SUMF1: variants seen among roughly 807,000 people sequenced by gnomAD.
The protein encoded by SUMF1 is sulfatase modifying factor 1, also known as formylglycine-generating enzyme.
A neutral mutation model predicts 47.6 loss-of-function variants in SUMF1; 48 were observed. That is an observed-to-expected ratio of 1.01 (90% CI 0.80 to 1.28). The LOEUF is 1.28. Ranked by LOEUF, SUMF1 falls within the 50% of genes most tolerant of loss-of-function variation. The probability of loss-of-function intolerance (pLI) is 0.00; values close to 1 mark genes in which losing one functional copy is unlikely to be tolerated. For missense variants in SUMF1, 571 were observed against 485.4 expected, an observed-to-expected ratio of 1.18 and a Z score of -1.66; for synonymous variants, 230 against 192.1, an observed-to-expected ratio of 1.20 and a Z score of -1.63.
intron 8 of SUMF1, among the ~76,000 whole-genome samples, chr3:4,231,750 C>T (rs1389258958): frequency 6.6e-6 from 1 of 152,062 alleles, no homozygotes; most frequent in African/African-American, 2.4e-5. Flanking sequence ...TCAACAGCTG[C>T]ATGTTGAGAA....
chr3:4,407,289 A>G (rs968215126), intron 7 of SUMF1, among the ~76,000 whole-genome samples: 1 of 152,312 alleles, frequency 6.6e-6, no homozygotes, highest in East Asian at 1.9e-4. Context: ...AGAAAAATAT[A>G]TTTCCTGAAT....
At chr3:4,377,610 A>G (rs1700370480) in intron 7 of SUMF1, among the ~76,000 whole-genome samples, 1 of 152,232 alleles carries the variant, frequency 6.6e-6, no homozygotes, top group African/African-American at 2.4e-5. Flanking sequence ...ATCTACACAG[A>G]GCCAGTATAA....
chr3:4,430,756 T>C (rs1028821377), intron 3 of SUMF1, among the ~76,000 whole-genome samples: 10 of 152,084 alleles, frequency 6.6e-5, no homozygotes, highest in Non-Finnish European at 1.0e-4. Context: ...CAATGAGCTA[T>C]GGGAGCCAAA....
At chr3:4,408,790 G>A (rs1701452241) in intron 7 of SUMF1, among the ~76,000 whole-genome samples, 1 of 151,996 alleles carries the variant, frequency 6.6e-6, no homozygotes, top group African/African-American at 2.4e-5. Context: ...GGCCAAAATG[G>A]CGAAACCCCG....
chr3:4,134,405 G>A (rs1270108442), intron 8 of SUMF1, among the ~76,000 whole-genome samples: 3 of 152,090 alleles, frequency 2.0e-5, no homozygotes, highest in Non-Finnish European at 4.4e-5. Context: ...AAATAAAGAT[G>A]TTCTTTGAAT....
At chr3:4,437,836 G>A (rs565425303) in intron 3 of SUMF1, among the ~76,000 whole-genome samples, 1 of 152,246 alleles carries the variant, frequency 6.6e-6, no homozygotes, top group African/African-American at 2.4e-5. Flanking sequence ...CTACTTGGGA[G>A]ACTGAGGCAG....
chr3:4,090,862 G>A (rs1692770171), intron 8 of SUMF1, among the ~76,000 whole-genome samples: 1 of 151,912 alleles, frequency 6.6e-6, no homozygotes, highest in Admixed American at 6.6e-5. Flanking sequence ...AGTATGATGG[G>A]AGGCCGAGGC....
At chr3:4,295,794 A>G (rs1166910643) in intron 8 of SUMF1, among the ~76,000 whole-genome samples, 2 of 152,172 alleles carry the variant, frequency 1.3e-5, no homozygotes, top group African/African-American at 4.8e-5. Flanking sequence ...ACAATCATCA[A>G]TCCTGGATAT....
At position 4,165,434 on chromosome 3, in the gene SUMF1, G is replaced by C. The variant is rs568782784; in HGVS notation, c.1015-96689C>G. Among the ~76,000 whole-genome samples the C allele has an allele frequency of 5.1e-4, 78 of 152,068 alleles. 1 individual carries two copies. Among genetic ancestry groups the C allele is most frequent in the Non-Finnish European group, 1.1e-3 (75 of 68,008 alleles). On this transcript the variant is annotated intron_variant and NMD_transcript_variant, in intron 8 of 12. Transcript: ENST00000448413. ...TTTCTTTACTTATTTCCTTCTGGGT[G>C]GGGGAGATTAAAGGAGGCTTATCAT...
rs1440285353 is a variant in SUMF1, at chr3:4,332,720, C to T, written c.1014+43610G>A. On this transcript the variant is annotated intron_variant and NMD_transcript_variant, in intron 8 of 12. Coordinates refer to the SUMF1 transcript ENST00000448413. ...ATTACTGGCTTCATGGTGATACAGA[C>T]AGAAGACAGGGAAATACTGGGTAGA... Among the ~76,000 whole-genome samples the T allele has an allele frequency of 2.6e-5, 4 of 152,266 alleles. No individual in the cohort carries two copies. The South Asian group carries it at 8.3e-4, about 32-fold the overall frequency.
At chr3:4,457,042 ATATATATACGTGTGTG>A (rs2079670990) in intron 1 of SUMF1, among the ~76,000 whole-genome samples, 1 of 119,266 alleles carries the variant, frequency 8.4e-6, no homozygotes, top group African/African-American at 2.8e-5. Flanking sequence ...GTGTGTGTAT[ATATATATACGTGTGTG>A]TATATATATA....
intron 8 of SUMF1, among the ~76,000 whole-genome samples, chr3:4,127,743 T>G (rs1693688223): frequency 6.6e-6 from 1 of 152,132 alleles, no homozygotes; most frequent in African/African-American, 2.4e-5. Flanking sequence ...TAACACAGAC[T>G]TTGGTACCAG....
At chr3:4,083,789 GATACAA>G (rs1012812199) in intron 8 of SUMF1, among the ~76,000 whole-genome samples, 18 of 144,662 alleles carry the variant, frequency 1.2e-4, no homozygotes, top group Admixed American at 1.4e-4. Context: ...ATATTAATCA[GATACAA>G]ATACAAATAC....
chr3:4,339,468 C>T (rs932537394), intron 8 of SUMF1, among the ~76,000 whole-genome samples: 2 of 152,172 alleles, frequency 1.3e-5, no homozygotes, highest in African/African-American at 4.8e-5. Context: ...CCTCAGCCAA[C>T]CCGCAGGTAG....
intron 8 of SUMF1, among the ~76,000 whole-genome samples, chr3:4,207,595 T>C (rs993152200): frequency 2.0e-5 from 3 of 152,188 alleles, no homozygotes; most frequent in Admixed American, 1.3e-4. Flanking sequence ...TCTATTAAGA[T>C]GATGTATTAC....
Position 4,312,716 on chromosome 3 carries a change from A to C in SUMF1, c.1014+63614T>G, listed in dbSNP as rs542476718. On this transcript the variant is annotated intron_variant and NMD_transcript_variant, in intron 8 of 12. Coordinates refer to the SUMF1 transcript ENST00000448413. ...GACCCTGTCTCTTAAAAAAAAAAAA[A>C]AAAAACTTGTTTTATTGAAGAGAGA... Among the ~76,000 whole-genome samples the C allele has an allele frequency of 4.0e-5, 6 of 151,744 alleles. No individual in the cohort carries two copies. The South Asian group carries it at 8.4e-4, about 21-fold the overall frequency.
Position 4,252,582 on chromosome 3 carries a change from G to A in SUMF1, c.1014+123748C>T, listed in dbSNP as rs532741915. Among the ~76,000 whole-genome samples the A allele has an allele frequency of 3.9e-5, 6 of 152,166 alleles. No homozygotes were observed. The South Asian group carries it at 6.2e-4, about 16-fold the overall frequency. On this transcript the variant is annotated intron_variant and NMD_transcript_variant, in intron 8 of 12. Coordinates refer to the SUMF1 transcript ENST00000448413. ...GCCTGCCTTTTTGCCATTTTTACAC[G>A]TACAATGAACTTAAAGGTCTCAGAG...
At chr3:4,363,577 T>C (rs1699843706) in intron 8 of SUMF1, among the ~76,000 whole-genome samples, 2 of 151,878 alleles carry the variant, frequency 1.3e-5, no homozygotes, top group South Asian at 2.1e-4. Flanking sequence ...TGATTTCGTA[T>C]CCTGAGACGT....
chr3:4,388,340 T>G (rs9989986), intron 7 of SUMF1, among the ~76,000 whole-genome samples: 40,353 of 152,008 alleles, frequency 0.27, 5,850 homozygotes, highest in African/African-American at 0.37. Flanking sequence ...GTAAATTTCT[T>G]TGCTTTGAAG....
Sources: allele counts gnomAD v4.1 joint callset (sites outside exome capture counted in the v4.1 genomes callset), GRCh38; gene constraint gnomAD v4.1.1; transcripts MANE v1.5; gene names NCBI Gene and HGNC (gene_info 2026-07-23, HGNC 2026-07-21).